GTF3C4: variants seen among roughly 807,000 people sequenced by gnomAD.
GTF3C4 encodes general transcription factor IIIC subunit 4, also known as general transcription factor 3C polypeptide 4.
In GTF3C4, 28 loss-of-function variants were observed where a neutral mutation model predicts 67.5. The ratio of observed to expected loss-of-function variants is 0.41; its 90% CI spans 0.31 to 0.57. GTF3C4 has a LOEUF of 0.57. Among genes scored for constraint, GTF3C4 ranks in the 20% least tolerant of loss-of-function variants. The pLI, the probability that GTF3C4 is intolerant of heterozygous loss-of-function variation, is 0.21. For synonymous variants in GTF3C4, 409 were observed against 393.0 expected, an observed-to-expected ratio of 1.04 and a Z score of -0.48; for missense variants, 831 against 1,033.2, an observed-to-expected ratio of 0.80 and a Z score of 2.68.
In GTF3C4 at chr9:132,679,113, C is replaced by A; in HGVS notation, c.1494C>A (p.Ile498=). 1 of 1,614,188 alleles carries A rather than the reference C, an allele frequency of 6.2e-7. No homozygotes were observed. ...YLAIITTEGM[I]NGLHPVNKNY... Reference sequence around the variant, plus strand: ...CCATCATCACCACTGAGGGCATGATCAACGGCCTCCACCCTGTTAACAAAA... The same window carrying A: ...CCATCATCACCACTGAGGGCATGATAAACGGCCTCCACCCTGTTAACAAAA... Residue 498 remains isoleucine (I), a synonymous_variant, in exon 2 of 5, where the codon ATC becomes ATA. Coordinates refer to ENST00000372146, the MANE Select transcript of GTF3C4 (RefSeq NM_012204.4). The surrounding 1 kb of genome is among the most constrained non-coding windows in gnomAD (Gnocchi z 5.9).
chr9:132,683,717 C>T, intron 3 of GTF3C4, 24 bp downstream of exon 3: 1 of 1,592,702 alleles, frequency 6.3e-7, no homozygotes, highest in Non-Finnish European at 8.5e-7. Context: ...AAAGTTTCTA[C>T]TTCTGCTCAT....
chr9:132,693,148 G>T lies in GTF3C4; in HGVS notation c.*4203G>T, dbSNP rs888129065. On this transcript the variant is annotated 3_prime_UTR_variant, in exon 5 of 5. Transcript: ENST00000372146. ...AATCATCGTCAGGACTTGTTAGCCAGTCCATGTCTCATTGATAGGATGTAG... is the reference window on the plus strand; with the variant it reads ...AATCATCGTCAGGACTTGTTAGCCATTCCATGTCTCATTGATAGGATGTAG... 13 of 152,198 alleles carry T rather than the reference G, an allele frequency of 8.5e-5. No homozygotes were observed. Among genetic ancestry groups the T allele is most frequent in the East Asian group, 3.8e-4 (2 of 5,202 alleles). The allele number at this position is 152,198 out of a possible 1,614,324, so 9.4% of individuals were successfully genotyped here.
intron 1 of GTF3C4, among the ~76,000 whole-genome samples, chr9:132,674,334 T>G (rs553773974): frequency 1.3e-5 from 2 of 152,208 alleles, no homozygotes; most frequent in Non-Finnish European, 2.9e-5. Context: ...AATACTTGAT[T>G]TGTTAACAGT....
chr9:132,672,699 A>C (rs1324436929), intron 1 of GTF3C4, among the ~76,000 whole-genome samples: 8 of 152,220 alleles, frequency 5.3e-5, no homozygotes. Flanking sequence ...GTTCAGGAAC[A>C]TTACTGGATA....
chr9:132,678,934 T>C lies in GTF3C4; in HGVS notation c.1315T>C (p.Tyr439His). 1 of 1,614,210 alleles carries C rather than the reference T, an allele frequency of 6.2e-7. No homozygotes were observed. The highest frequency in any genetic ancestry group is 1.3e-5 in the African/African-American group (1 of 75,056). ...MTADKQNGTV[Y>H]TCSSDGKVRQ... ...TGCAGACAAACAGAATGGAACAGTCTATACTTGCTCCAGTGACGGAAAGGT... is the reference window on the plus strand; with the variant it reads ...TGCAGACAAACAGAATGGAACAGTCCATACTTGCTCCAGTGACGGAAAGGT... Residue 439 changes from tyrosine to histidine, a missense_variant, in exon 2 of 5, where the codon TAT (tyrosine) becomes CAT (histidine). Tyr to His is a moderately conservative substitution (Grantham distance 83). Coordinates refer to ENST00000372146, the MANE Select transcript of GTF3C4 (RefSeq NM_012204.4). This position sits in a 1 kb window ranked among gnomAD's most constrained non-coding sequence, Gnocchi z 6.5.
chr9:132,687,242 C>T lies in GTF3C4; in HGVS notation c.2319C>T (p.Cys773=). 6.3e-7 allele frequency: 1 copy of T among 1,582,754 alleles called. No individual in the cohort carries two copies. The highest frequency in any genetic ancestry group is 1.7e-5 in the Admixed American group (1 of 59,174). ...VCSNGHIWLR[C]FLTYQSCQSL... ...AATACAGTCTGTCTTCTTTCAGGTG[C>T]TTCTTAACCTACCAGTCCTGCCAGA... is the stretch of plus-strand genomic sequence containing the variant. Residue 773 remains cysteine, a synonymous_variant, in exon 4 of 5, where the codon TGC becomes TGT. Transcript: ENST00000372146.
At chr9:132,671,201 G>T (rs1396583033) in intron 1 of GTF3C4, among the ~76,000 whole-genome samples, 1 of 152,100 alleles carries the variant, frequency 6.6e-6, no homozygotes. Context: ...CACCCAGGGG[G>T]CTTCCCGGAG....
At chr9:132,674,706 A>G (rs96153) in intron 1 of GTF3C4, among the ~76,000 whole-genome samples, 72,339 of 152,084 alleles carry the variant, frequency 0.48, 17,962 homozygotes, top group African/African-American at 0.61. Context: ...GCATTTTTGC[A>G]TACTTTTATT....
intron 1 of GTF3C4, among the ~76,000 whole-genome samples, chr9:132,673,417 GT>G (rs11384706): frequency 2.0e-5 from 3 of 149,440 alleles, no homozygotes; most frequent in East Asian, 3.9e-4. Flanking sequence ...CTGTACTGTT[GT>G]TTTTTTTTTA....
chr9:132,686,646 T>C (rs778104663), intron 3 of GTF3C4, among the ~76,000 whole-genome samples: 7 of 152,250 alleles, frequency 4.6e-5, no homozygotes, highest in Non-Finnish European at 8.8e-5. Flanking sequence ...CATTTGTTAG[T>C]GTCCTGTCAT....
Position 132,670,522 on chromosome 9 carries a change from G to A in GTF3C4, c.-77G>A. 3 of 1,169,716 alleles carry A rather than the reference G, an allele frequency of 2.6e-6. No individual in the cohort carries two copies. The highest frequency in any genetic ancestry group is 3.4e-6 in the Non-Finnish European group (3 of 881,636). 72.5% of individuals were successfully genotyped at this position (1,169,716 alleles called of 1,614,324 possible). A position where few individuals can be genotyped will look rare whatever the true frequency, so the allele number is the denominator to read the frequency against. ...AAAACCGCCGCGGAGGGCGCTGGGGGTGGCGGCGGCGGTCCGGGAGGTGGT... is the reference window on the plus strand; with the variant it reads ...AAAACCGCCGCGGAGGGCGCTGGGGATGGCGGCGGCGGTCCGGGAGGTGGT... On this transcript the variant is annotated 5_prime_UTR_variant, in exon 1 of 5. In the 5' UTR this introduces an upstream ATG that the reference lacks. Coordinates refer to ENST00000372146, the MANE Select transcript of GTF3C4 (RefSeq NM_012204.4).
Position 132,676,343 on chromosome 9 carries a change from A to G in GTF3C4, c.358-1634A>G, listed in dbSNP as rs142496322. On this transcript the variant is annotated intron_variant, in intron 1 of 4. Transcript: ENST00000372146. ...GGGGATTTTTTTTTTTTTTTTTGCA[A>G]AGCCTGGCTCCATCACCCAGGCTGG... Among the ~76,000 whole-genome samples the G allele has an allele frequency of 5.7e-3, 815 of 142,388 alleles. 5 individuals carry two copies. Among genetic ancestry groups the G allele is most frequent in the African/African-American group, 0.02 (754 of 38,344 alleles). The allele number at this position is 142,388 out of a possible 152,430, so 93.4% of individuals were successfully genotyped here. A position where few individuals can be genotyped will look rare whatever the true frequency, so the allele number is the denominator to read the frequency against.
rs753389105 is a variant in GTF3C4 at position 132,678,625 on chromosome 9, G to A, written c.1006G>A (p.Ala336Thr). 1 of 1,614,102 alleles carries A rather than the reference G, an allele frequency of 6.2e-7. No individual in the cohort carries two copies. Among genetic ancestry groups the A allele is most frequent in the Non-Finnish European group, 8.5e-7 (1 of 1,180,002 alleles). Residue 336 changes from alanine (A) to threonine (T), a missense_variant, in exon 2 of 5, where the codon GCT (alanine) becomes ACT (threonine). By Grantham distance (58) the Ala-to-Thr change is moderately conservative (BLOSUM62 0). Transcript: ENST00000372146. This position sits in a 1 kb window ranked among gnomAD's most constrained non-coding sequence, Gnocchi z 6.5. ...RKMSGLIVGS[A>T]FGPIKILPVN... ...AATGAGTGGCCTTATTGTGGGGAGT[G>A]CTTTTGGACCCATAAAAATTCTTCC...
In GTF3C4 at chr9:132,694,309, CATGACGTGTAGA is replaced by C. The variant is rs1836164449; in HGVS notation, c.*5369_*5380del. On this transcript the variant is annotated 3_prime_UTR_variant, in exon 5 of 5. Transcript: ENST00000372146. ...AAGTGCCTTGCACAGGGTAGGTGCT[CATGACGTGTAGA>C]ATGAGTGAGTAACTTCCTGCCTCAT... 2.6e-5 allele frequency: 4 copies of C among 152,136 alleles called. No homozygotes were observed. Among genetic ancestry groups the C allele is most frequent in the Non-Finnish European group, 5.9e-5 (4 of 68,018 alleles). The allele number at this position is 152,136 out of a possible 1,614,324, so 9.4% of individuals were successfully genotyped here.
At position 132,687,320 on chromosome 9, in the gene GTF3C4, TC is replaced by T; in HGVS notation, c.2399del (p.Pro800GlnfsTer25). 1.0e-6 allele frequency: 1 copy of T among 968,682 alleles called. No individual in the cohort carries two copies. Among genetic ancestry groups the T allele is most frequent in the Non-Finnish European group, 1.5e-6 (1 of 678,656 alleles). The allele number at this position is 968,682 out of a possible 1,614,324, so 60.0% of individuals were successfully genotyped here. On this transcript the variant is annotated frameshift_variant, in exon 4 of 5. Transcript: ENST00000372146. LOFTEE classifies it high-confidence loss of function. ...LHDSIARHPA[P>X]EDPDWIKRLL... ...ATGACAGCATTGCCCGGCATCCAGC[TC>T]CAGAAGGTGAGTGCTTTCCCTTACT...
At chr9:132,676,753 A>G (rs546996793) in intron 1 of GTF3C4, among the ~76,000 whole-genome samples, 1 of 152,272 alleles carries the variant, frequency 6.6e-6, no homozygotes, top group South Asian at 2.1e-4. Flanking sequence ...CCTGGAGGGT[A>G]ATTCCTCTAG....
chr9:132,678,097 C>T lies in GTF3C4; in HGVS notation c.478C>T (p.Pro160Ser). 6.2e-7 allele frequency: 1 copy of T among 1,614,222 alleles called. No individual in the cohort carries two copies. Among genetic ancestry groups the T allele is most frequent in the Non-Finnish European group, 8.5e-7 (1 of 1,180,034 alleles). Reference sequence around the variant, plus strand: ...CAACCCTGAGGGGAAGGCTTTACCACCAATGAGAGGATTCAAGTACACCAG... The same window carrying T: ...CAACCCTGAGGGGAAGGCTTTACCATCAATGAGAGGATTCAAGTACACCAG... ...VFNPEGKALP[P>S]MRGFKYTSWS... Residue 160 changes from proline to serine, a missense_variant, in exon 2 of 5, where the codon CCA (proline) becomes TCA (serine). Physicochemically the swap from Pro to Ser is moderately conservative, Grantham distance 74. Around this residue, in one of 4 missense-constraint regions of GTF3C4, gnomAD observed 390 missense variants for 540.3 expected, o/e 0.72. Transcript: ENST00000372146. This position sits in a 1 kb window ranked among gnomAD's most constrained non-coding sequence, Gnocchi z 6.5.
rs562742958 is a variant in GTF3C4 at position 132,688,496 on chromosome 9, A to G, written c.2405-385A>G. 3.3e-5 allele frequency among the ~76,000 whole-genome samples: 5 copies of G among 152,328 alleles called. No homozygotes were observed. In the East Asian group the frequency reaches 9.6e-4, roughly 29 times the overall value. On this transcript the variant is annotated intron_variant, in intron 4 of 4. Transcript: ENST00000372146. ...CAGTGTTGCCGCATTTTTATTTCTC[A>G]AGGGCATAGCATTTTTTAAAAATTC...
intron 4 of GTF3C4, 59 bp downstream of exon 4, chr9:132,687,386 G>T (rs1836048219): frequency 1.0e-6 from 1 of 962,280 alleles, no homozygotes; most frequent in Non-Finnish European, 1.7e-6. Context: ...CAGAGGGCCA[G>T]CGCCCCAGAA....
Sources: gnomAD v4.1 joint callset for allele counts (sites outside exome capture counted in the v4.1 genomes callset) on GRCh38, gnomAD v4.1.1 for gene constraint, gnomAD v4.1.1 regional missense constraint, Gnocchi (gnomAD v3.1) non-coding constraint, MANE v1.5 for transcripts, NCBI Gene and HGNC (gene_info 2026-07-23, HGNC 2026-07-21) for gene names.